Variants in USF2 observed in about 807,000 individuals in gnomAD.
USF2 encodes the protein upstream transcription factor 2, c-fos interacting, also known as upstream stimulatory factor 2.
In USF2, 16 loss-of-function variants were observed where a neutral mutation model predicts 46.9. The observed-to-expected ratio is 0.34, with a 90% CI of 0.23 to 0.52. The LOEUF is 0.52. Among genes scored for constraint, USF2 ranks in the 20% least tolerant of loss-of-function variants. The pLI is 0.96. For synonymous variants in USF2, 239 were observed against 194.1 expected (o/e 1.23, Z -1.92); for missense variants, 411 against 474.0 (o/e 0.87, Z 1.23).
chr19:35,271,032 C>T (rs779804086), intron 6 of USF2, 51 bp from the exon 7 acceptor site: 68 of 1,605,500 alleles, frequency 4.2e-5, no homozygotes, highest in Admixed American at 1.2e-4. Flanking sequence ...GATGCTTGGG[C>T]AAACAGCTCT....
intron 7 of USF2, among the ~76,000 whole-genome samples, chr19:35,272,251 G>T (rs2145574089): frequency 6.6e-6 from 1 of 152,320 alleles, no homozygotes; most frequent in East Asian, 1.9e-4. Flanking sequence ...TCTGGTGGGA[G>T]AGATGGGAGT....
At chr19:35,276,034 C>T (rs2066228780) in intron 7 of USF2, 1 of 149,022 alleles carries the variant, frequency 6.7e-6, no homozygotes. Context: ...CCATTTCTTC[C>T]TTCAGTCCTG....
chr19:35,279,159 T>TCCG lies in USF2; in HGVS notation c.952-5_952-3dup. The TCCG allele has an allele frequency of 6.2e-7, 1 of 1,610,342 alleles. No homozygotes were observed. The highest frequency in any genetic ancestry group is 8.5e-7 in the Non-Finnish European group (1 of 1,178,530). On this transcript the variant is annotated splice_polypyrimidine_tract_variant and splice_region_variant and intron_variant, in intron 9 of 9. Transcript: ENST00000222305. ...CTCAGCTCCCTTGACCTCCGTCGTG[T>TCCG]CCGCCAGATCGAGGAGCTGAAGAAT...
At chr19:35,271,812 C>T (rs1400594347) in intron 7 of USF2, among the ~76,000 whole-genome samples, 1 of 152,220 alleles carries the variant, frequency 6.6e-6, no homozygotes, top group African/African-American at 2.4e-5. Context: ...GGCACAGGCC[C>T]TGTGCCAGGT....
In USF2 at chr19:35,271,070, C is replaced by A. The variant is rs761159637; in HGVS notation, c.669-13C>A. On this transcript the variant is annotated splice_polypyrimidine_tract_variant and intron_variant, in intron 6 of 9. Coordinates refer to ENST00000222305, the MANE Select transcript of USF2 (RefSeq NM_003367.4). ...GATAATACATGCCCCCTTTTTTTTT[C>A]CTCCTCTTGTAGAAAAATTGATGGA... 5.6e-6 allele frequency: 9 copies of A among 1,600,682 alleles called. No individual in the cohort carries two copies. Among genetic ancestry groups the A allele is most frequent in the Non-Finnish European group, 6.8e-6 (8 of 1,176,308 alleles).
chr19:35,279,526 A>G lies in USF2; in HGVS notation c.*270A>G. 2.4e-6 allele frequency: 1 copy of G among 424,994 alleles called. No homozygotes were observed. 26.3% of individuals were successfully genotyped at this position (424,994 alleles called of 1,614,324 possible). ...AAGCCCCGGCACTTCTAGTGGTCTC[A>G]CCTGGAGGCAAGAGGGAGGGGACAG... On this transcript the variant is annotated 3_prime_UTR_variant, in exon 10 of 10. Transcript: ENST00000222305.
In USF2 at chr19:35,269,687, A is replaced by C. The variant is rs2066116169; in HGVS notation, c.216A>C (p.Thr72=). ...HNIQYQFRTE[T]NGGQVTYRVV... is the part of the protein sequence containing the mutation. ...TCCAGTACCAGTTCCGCACAGAGAC[A>C]AATGGAGGACAGGTGAGCGGCGGGC... The change falls in exon 3 of 10, where the codon ACA becomes ACC. Residue 72 remains threonine (T), a synonymous_variant. Transcript: ENST00000222305. 7.4e-7 allele frequency: 1 copy of C among 1,350,300 alleles called. No individual in the cohort carries two copies. The allele number at this position is 1,350,300 out of a possible 1,614,324, so 83.6% of individuals were successfully genotyped here.
At chr19:35,272,015 G>C (rs1402440743) in intron 7 of USF2, among the ~76,000 whole-genome samples, 1 of 152,178 alleles carries the variant, frequency 6.6e-6, no homozygotes, top group Non-Finnish European at 1.5e-5. Flanking sequence ...CAGGAGGGAA[G>C]ATCGGGAAGG....
rs1018329651 is a variant in USF2 at position 35,279,345 on chromosome 19, C to T, written c.*89C>T. 9.3e-6 allele frequency: 12 copies of T among 1,295,534 alleles called. No homozygotes were observed. Among genetic ancestry groups the T allele is most frequent in the Non-Finnish European group, 1.2e-5 (12 of 994,448 alleles). The allele number at this position is 1,295,534 out of a possible 1,614,324, so 80.3% of individuals were successfully genotyped here. A position where few individuals can be genotyped will look rare whatever the true frequency, so the allele number is the denominator to read the frequency against. The stretch of plus-strand genomic sequence containing the variant: ...CTTAGCACAGAGAGGGACACATGCC[C>T]CTCCCCCAGCTGCGTTTTTTTATAG... On this transcript the variant is annotated 3_prime_UTR_variant, in exon 10 of 10. Coordinates refer to ENST00000222305, the MANE Select transcript of USF2 (RefSeq NM_003367.4).
In USF2 at chr19:35,269,565, C is replaced by G; in HGVS notation, c.110-16C>G. On this transcript the variant is annotated splice_polypyrimidine_tract_variant and intron_variant, in intron 2 of 9. Coordinates refer to ENST00000222305, the MANE Select transcript of USF2 (RefSeq NM_003367.4). ...CGGCGCGGCCCTGACCGTGCCCCGACCCTCCTCGGCCCCAGGCGGGGACGG... is the reference window on the plus strand; with the variant it reads ...CGGCGCGGCCCTGACCGTGCCCCGAGCCTCCTCGGCCCCAGGCGGGGACGG... The G allele has an allele frequency of 1.3e-6, 2 of 1,571,658 alleles. No homozygotes were observed. Among genetic ancestry groups the G allele is most frequent in the Non-Finnish European group, 1.7e-6 (2 of 1,160,464 alleles).
chr19:35,278,023 C>G (rs907415120), intron 7 of USF2: 1 of 152,222 alleles, frequency 6.6e-6, no homozygotes, highest in Admixed American at 6.5e-5. Context: ...CTATGAGTTG[C>G]CATCTCTGGC....
At chr19:35,277,778 C>G (rs1459213544) in intron 7 of USF2, 1 of 152,304 alleles carries the variant, frequency 6.6e-6, no homozygotes, top group East Asian at 1.9e-4. Context: ...CCCCACGGTG[C>G]CTGGTGCTGG....
intron 4 of USF2, 28 bp downstream of exon 4, chr19:35,270,031 G>T: frequency 1.5e-6 from 2 of 1,347,642 alleles, no homozygotes; most frequent in Non-Finnish European, 1.9e-6. Context: ...CCTGGGTGGG[G>T]GGGGGAGGGA....
rs2066151810 is a variant in USF2, at chr19:35,271,212, G to A, written c.727+71G>A. On this transcript the variant is annotated intron_variant, in intron 7 of 9. Transcript: ENST00000222305. ...CAGGCTCAGCCAGCCCTGGAGTGTG[G>A]AGTGACAGAGAGAGAAGCCACTCCT... 14 of 1,580,638 alleles carry A rather than the reference G, an allele frequency of 8.9e-6. No homozygotes were observed. The South Asian group carries it at 1.6e-4, about 18-fold the overall frequency.
intron 4 of USF2, 25 bp downstream of exon 4, chr19:35,270,028 G>T (rs1411022042): frequency 1.9e-5 from 18 of 971,532 alleles, no homozygotes; most frequent in East Asian, 4.6e-5. Flanking sequence ...ACCCCTGGGT[G>T]GGGGGGGGAG....
At chr19:35,273,384 C>T (rs912624150) in intron 7 of USF2, among the ~76,000 whole-genome samples, 2 of 152,174 alleles carry the variant, frequency 1.3e-5, no homozygotes, top group Non-Finnish European at 2.9e-5. Context: ...TCTCCTCCAT[C>T]CTCTCTGATT....
intron 7 of USF2, 21 bp from the exon 8 acceptor site, chr19:35,278,677 C>T: frequency 2.5e-6 from 4 of 1,613,424 alleles, no homozygotes; most frequent in Non-Finnish European, 3.4e-6. Flanking sequence ...GAAGCCGTGG[C>T]TGTGACTCTG....
chr19:35,271,462 C>T (rs369669998), intron 7 of USF2, among the ~76,000 whole-genome samples: 32 of 152,186 alleles, frequency 2.1e-4, no homozygotes, highest in African/African-American at 6.0e-4. Context: ...TGGGGCTGAC[C>T]GGGCTCACGT....
chr19:35,273,942 C>G (rs985891891), intron 7 of USF2, among the ~76,000 whole-genome samples: 1 of 152,218 alleles, frequency 6.6e-6, no homozygotes, highest in African/African-American at 2.4e-5. Flanking sequence ...CCCCCAAACT[C>G]TGTTCCCCCT....
Sources: allele counts gnomAD v4.1 joint callset (sites outside exome capture counted in the v4.1 genomes callset), GRCh38; gene constraint gnomAD v4.1.1; transcripts MANE v1.5; gene names NCBI Gene and HGNC (gene_info 2026-07-23, HGNC 2026-07-21).